MLLT10: variants seen among roughly 807,000 people sequenced by gnomAD.
MLLT10 encodes the protein protein AF-10.
In MLLT10, 30 loss-of-function variants were observed where a neutral mutation model predicts 129.1. The observed-to-expected ratio is 0.23, with a 90% CI of 0.17 to 0.32. The LOEUF is 0.32. MLLT10 is among the 10% of genes least tolerant of loss of function. The probability of loss-of-function intolerance (pLI) is 1.00; values close to 1 mark genes in which losing one functional copy is unlikely to be tolerated. For missense variants in MLLT10, 1,119 were observed against 1,268.3 expected (o/e 0.88, Z 1.79); for synonymous variants, 490 against 446.4 (o/e 1.10, Z -1.23).
chr10:21,588,338 A>G (rs2042191768), intron 4 of MLLT10, among the ~76,000 whole-genome samples: 1 of 152,158 alleles, frequency 6.6e-6, no homozygotes, highest in African/African-American at 2.4e-5. Context: ...AAGTGCTGAG[A>G]TTACAGGTGT....
chr10:21,614,225 CAAAAAAAAA>C (rs34546142), intron 6 of MLLT10, among the ~76,000 whole-genome samples: 1 of 81,036 alleles, frequency 1.2e-5, no homozygotes, highest in Non-Finnish European at 2.4e-5. Flanking sequence ...TTTTTTTTTT[CAAAAAAAAA>C]AAAAAAAAAA....
chr10:21,701,202 C>T (rs2054870957), intron 13 of MLLT10, among the ~76,000 whole-genome samples: 1 of 143,778 alleles, frequency 7.0e-6, no homozygotes, highest in African/African-American at 2.5e-5. Context: ...TGATTTGGTT[C>T]TTACCTCTTT....
intron 13 of MLLT10, among the ~76,000 whole-genome samples, chr10:21,703,747 T>C (rs1226615876): frequency 6.6e-6 from 1 of 152,108 alleles, no homozygotes; most frequent in East Asian, 1.9e-4. Context: ...GGTTTCACCA[T>C]GTTGATCAGG....
intron 9 of MLLT10, among the ~76,000 whole-genome samples, chr10:21,659,683 G>T (rs2049974209): frequency 6.6e-6 from 1 of 151,830 alleles, no homozygotes; most frequent in African/African-American, 2.4e-5. Context: ...GCTGATTCTT[G>T]TATTTTTAGT....
intron 13 of MLLT10, among the ~76,000 whole-genome samples, chr10:21,689,641 TTATATA>T (rs1184223344): frequency 1.5e-3 from 203 of 131,970 alleles, no homozygotes; most frequent in East Asian, 6.6e-3. Flanking sequence ...ACACACACAT[TTATATA>T]TATATATATA....
At chr10:21,571,660 T>A (rs2040217933) in intron 3 of MLLT10, among the ~76,000 whole-genome samples, 1 of 152,256 alleles carries the variant, frequency 6.6e-6, no homozygotes, top group African/African-American at 2.4e-5. Flanking sequence ...AGAAGTGGTA[T>A]CATTGTGGTT....
intron 3 of MLLT10, among the ~76,000 whole-genome samples, chr10:21,577,966 G>C (rs2040966819): frequency 6.6e-6 from 1 of 151,830 alleles, no homozygotes; most frequent in South Asian, 2.1e-4. Flanking sequence ...TGATATCTTG[G>C]CTCACGGCAA....
intron 8 of MLLT10, among the ~76,000 whole-genome samples, chr10:21,622,021 C>G (rs1185656092): frequency 1.3e-5 from 2 of 151,986 alleles, no homozygotes; most frequent in Non-Finnish European, 2.9e-5. Context: ...CAGAGAAGCT[C>G]TGTGTGATTC....
intron 3 of MLLT10, among the ~76,000 whole-genome samples, chr10:21,565,082 A>G (rs2039382180): frequency 1.3e-5 from 2 of 152,004 alleles, no homozygotes; most frequent in Non-Finnish European, 2.9e-5. Flanking sequence ...TAGGAATGTT[A>G]TGTCCTCTTG....
chr10:21,577,368 C>T (rs559009623), intron 3 of MLLT10, among the ~76,000 whole-genome samples: 17 of 151,466 alleles, frequency 1.1e-4, no homozygotes, highest in East Asian at 1.9e-4. Context: ...TTCTCTTGGG[C>T]GTAGGATTTT....
chr10:21,636,579 CTT>C (rs895419724), intron 8 of MLLT10, among the ~76,000 whole-genome samples: 31 of 142,858 alleles, frequency 2.2e-4, no homozygotes, highest in Non-Finnish European at 4.2e-4. Flanking sequence ...CTTTTCTTTT[CTT>C]TTTTTTTTTT....
At chr10:21,621,305 C>A (rs1472274571) in intron 8 of MLLT10, among the ~76,000 whole-genome samples, 1 of 143,902 alleles carries the variant, frequency 6.9e-6, no homozygotes, top group African/African-American at 2.6e-5. Flanking sequence ...AGTGCAGTGG[C>A]GCGATCTGGG....
chr10:21,738,598 C>T (rs377096302), intron 21 of MLLT10: 99 of 1,208,554 alleles, frequency 8.2e-5, no homozygotes, highest in African/African-American at 7.7e-4. Context: ...AGCTTCCGCT[C>T]GACACTCTTG....
intron 5 of MLLT10, among the ~76,000 whole-genome samples, chr10:21,602,498 A>G (rs1463206130): frequency 6.6e-6 from 1 of 152,202 alleles, no homozygotes; most frequent in Non-Finnish European, 1.5e-5. Context: ...ACAGTGATGA[A>G]GAAACAAAGG....
chr10:21,678,263 C>T (rs2052390847), intron 11 of MLLT10, among the ~76,000 whole-genome samples: 1 of 152,092 alleles, frequency 6.6e-6, no homozygotes, highest in African/African-American at 2.4e-5. Flanking sequence ...CGCCACCACA[C>T]TCAGCTAATT....
At chr10:21,727,243 A>G (rs1396358247) in intron 15 of MLLT10, among the ~76,000 whole-genome samples, 1 of 152,224 alleles carries the variant, frequency 6.6e-6, no homozygotes, top group Non-Finnish European at 1.5e-5. Context: ...CTTTCCAAGC[A>G]GAGATATATG....
chr10:21,628,718 G>GGA, intron 8 of MLLT10, among the ~76,000 whole-genome samples: 4 of 149,464 alleles, frequency 2.7e-5, no homozygotes, highest in South Asian at 4.3e-4. Context: ...TGGGATTACA[G>GGA]GCATGAACCA....
chr10:21,713,683 C>T, intron 13 of MLLT10, 89 bp from the exon 14 acceptor site: 2 of 1,124,244 alleles, frequency 1.8e-6, no homozygotes, highest in Non-Finnish European at 2.5e-6. Flanking sequence ...GAGGAGGGAT[C>T]CAGGAGGAAA....
intron 13 of MLLT10, among the ~76,000 whole-genome samples, chr10:21,692,516 T>G (rs2053966632): frequency 6.6e-6 from 1 of 152,010 alleles, no homozygotes; most frequent in Non-Finnish European, 1.5e-5. Flanking sequence ...AGAGTCTTGC[T>G]TAGTCCAGGC....
Sources: gnomAD v4.1 joint callset for allele counts (sites outside exome capture counted in the v4.1 genomes callset) on GRCh38, gnomAD v4.1.1 for gene constraint, MANE v1.5 for transcripts, NCBI Gene and HGNC (gene_info 2026-07-23, HGNC 2026-07-21) for gene names.